The following DAG1 variants were observed in gnomAD, a reference collection of about 807,000 sequenced individuals.
The protein encoded by DAG1 is dystroglycan 1.
Under a neutral mutation model 46.1 loss-of-function variants are expected in DAG1, and 8 were observed. That is an observed-to-expected ratio of 0.17 (90% CI 0.10 to 0.31). The LOEUF (loss-of-function observed/expected upper bound fraction) is 0.31, where lower values mean the gene tolerates loss of function less well. Among genes scored for constraint, DAG1 ranks in the 10% least tolerant of loss-of-function variants. The probability of loss-of-function intolerance (pLI) is 1.00; values close to 1 mark genes in which losing one functional copy is unlikely to be tolerated. For missense variants in DAG1, 1,003 were observed against 1,189.9 expected (o/e 0.84, Z 2.31); for synonymous variants, 495 against 481.8 (o/e 1.03, Z -0.36).
At chr3:49,517,461 C>A (rs1305162481) in intron 2 of DAG1, among the ~76,000 whole-genome samples, 1 of 152,184 alleles carries the variant, frequency 6.6e-6, no homozygotes, top group Non-Finnish European at 1.5e-5. Context: ...TGACCTCTGA[C>A]ACTGCAGGGC....
At position 49,502,724 on chromosome 3, in the gene DAG1, C is replaced by T. The variant is rs148641542; in HGVS notation, c.-116-7695C>T. On this transcript the variant is annotated intron_variant, in intron 1 of 2. Transcript: ENST00000308775. ...TGCGATCTCGGCTCACTACAAGCTCCGCCTCCCGGGTTCACGCCATTCTCC... is the reference window on the plus strand; with the variant it reads ...TGCGATCTCGGCTCACTACAAGCTCTGCCTCCCGGGTTCACGCCATTCTCC... Among the ~76,000 whole-genome samples the T allele has an allele frequency of 4.2e-3, 640 of 150,936 alleles. 7 individuals carry two copies. The highest frequency in any genetic ancestry group is 0.015 in the African/African-American group (608 of 40,968).
Position 49,532,571 on chromosome 3 carries a change from A to C in DAG1, c.2060A>C (p.Lys687Thr), listed in dbSNP as rs371345319. Residue 687 changes from lysine (K) to threonine (T), a missense_variant, in exon 3 of 3, where the codon AAA becomes ACA. Physicochemically the swap from Lys to Thr is moderately conservative, Grantham distance 78 (BLOSUM62 -1). Coordinates refer to ENST00000308775, the MANE Select transcript of DAG1 (RefSeq NM_004393.6). This position sits in a 1 kb window ranked among gnomAD's most constrained non-coding sequence, Gnocchi z 5.4. ...CGCCGGATCGCTGAGGATGATGGAA[A>C]ACCTCGGCCTGCCTTCTCCAACGCC... The part of the protein sequence containing the change: ...LSRRIAEDDG[K>T]PRPAFSNALE... The C allele has an allele frequency of 1.9e-6, 3 of 1,612,294 alleles. No individual in the cohort carries two copies. The African/African-American group carries it at 4.0e-5, about 22-fold the overall frequency.
rs2050733771 is a variant in DAG1 at position 49,510,531 on chromosome 3, T to G, written c.-4T>G. 6.2e-7 allele frequency: 1 copy of G among 1,612,884 alleles called. No homozygotes were observed. The highest frequency in any genetic ancestry group is 8.5e-7 in the Non-Finnish European group (1 of 1,179,972). ...CTATCGACTTGAGCAAACTTGGACC[T>G]GGGATGAGGATGTCTGTGGGCCTCT... On this transcript the variant is annotated 5_prime_UTR_variant, in exon 2 of 3. Transcript: ENST00000308775.
At chr3:49,475,569 C>T (rs2106843518) in intron 1 of DAG1, among the ~76,000 whole-genome samples, 1 of 151,942 alleles carries the variant, frequency 6.6e-6, no homozygotes, top group East Asian at 1.9e-4. Context: ...CGTGCCCAGC[C>T]AGCAATTTCT....
chr3:49,506,065 C>G (rs1323657198), intron 1 of DAG1, among the ~76,000 whole-genome samples: 1 of 151,190 alleles, frequency 6.6e-6, no homozygotes, highest in Non-Finnish European at 1.5e-5. Flanking sequence ...CTACAACCAC[C>G]GCCTCCTGGG....
chr3:49,533,346 C>T lies in DAG1; in HGVS notation c.*147C>T. On this transcript the variant is annotated 3_prime_UTR_variant, in exon 3 of 3. Transcript: ENST00000308775. The stretch of plus-strand genomic sequence containing the variant: ...CACTGACACAGGGGCCTGGACAAGC[C>T]CGCCCTCTCTGGTCCTCCCAAACCC... 1 of 1,250,786 alleles carries T rather than the reference C, an allele frequency of 8.0e-7. No individual in the cohort carries two copies. The highest frequency in any genetic ancestry group is 1.1e-6 in the Non-Finnish European group (1 of 886,212). The allele number at this position is 1,250,786 out of a possible 1,614,324, so 77.5% of individuals were successfully genotyped here. A position where few individuals can be genotyped will look rare whatever the true frequency, so the allele number is the denominator to read the frequency against.
intron 1 of DAG1, among the ~76,000 whole-genome samples, chr3:49,471,431 A>G (rs919629536): frequency 3.3e-5 from 5 of 152,216 alleles, no homozygotes; most frequent in Admixed American, 2.0e-4. Context: ...GTTCAGAGAC[A>G]TTATTTTGGA....
chr3:49,533,686 G>A lies in DAG1; in HGVS notation c.*487G>A. On this transcript the variant is annotated 3_prime_UTR_variant, in exon 3 of 3. Transcript: ENST00000308775. ...AAGGACTTTCAGAAGTTAAGGTTAA[G>A]TTTTTACGTTTAATCTGCTGTTTAC... 5 of 296,898 alleles carry A rather than the reference G, an allele frequency of 1.7e-5. 1 individual carries two copies. Among genetic ancestry groups the A allele is most frequent in the South Asian group, 1.5e-4 (5 of 32,642 alleles). 18.4% of individuals were successfully genotyped at this position (296,898 alleles called of 1,614,324 possible).
chr3:49,468,986 C>T (rs1016132747), upstream of DAG1: 1 of 152,162 alleles, frequency 6.6e-6, no homozygotes, highest in Non-Finnish European at 1.5e-5. Context: ...AGCACCTAGC[C>T]CCTTCCTTTT....
At chr3:49,529,775 G>A (rs1447738654) in intron 2 of DAG1, among the ~76,000 whole-genome samples, 1 of 152,172 alleles carries the variant, frequency 6.6e-6, no homozygotes, top group African/African-American at 2.4e-5. Context: ...AAAAGTGAAA[G>A]GAGCCACAGA....
chr3:49,502,577 A>G (rs1324846253), intron 1 of DAG1, among the ~76,000 whole-genome samples: 1 of 151,906 alleles, frequency 6.6e-6, no homozygotes, highest in Non-Finnish European at 1.5e-5. Context: ...TACTTATCTC[A>G]CATTGATGAC....
Position 49,533,607 on chromosome 3 carries a change from G to T in DAG1, c.*408G>T, listed in dbSNP as rs576709191. ...TAACTGTACTGTTTTTTCTATTCACGTGTGTCTAGCTGCAGGATGTAACAT... is the reference window on the plus strand; with the variant it reads ...TAACTGTACTGTTTTTTCTATTCACTTGTGTCTAGCTGCAGGATGTAACAT... On this transcript the variant is annotated 3_prime_UTR_variant, in exon 3 of 3. Coordinates refer to ENST00000308775, the MANE Select transcript of DAG1 (RefSeq NM_004393.6). 3 of 366,840 alleles carry T rather than the reference G, an allele frequency of 8.2e-6. No homozygotes were observed. Among genetic ancestry groups the T allele is most frequent in the East Asian group, 1.4e-4 (2 of 14,138 alleles). The allele number at this position is 366,840 out of a possible 1,614,324, so 22.7% of individuals were successfully genotyped here.
intron 1 of DAG1, among the ~76,000 whole-genome samples, chr3:49,487,699 T>C (rs1056276345): frequency 2.0e-5 from 3 of 146,862 alleles, no homozygotes; most frequent in African/African-American, 7.6e-5. Flanking sequence ...ATTCTTTTTT[T>C]TTTTTTTTTT....
intron 1 of DAG1, among the ~76,000 whole-genome samples, chr3:49,486,407 A>G (rs1444681730): frequency 2.0e-5 from 3 of 151,008 alleles, no homozygotes; most frequent in Non-Finnish European, 2.9e-5. Context: ...TTTAGTAGAG[A>G]CAGGGTTTCA....
chr3:49,534,587 C>G lies in DAG1; in HGVS notation c.*1388C>G, dbSNP rs1375546596. 6.6e-6 allele frequency: 1 copy of G among 152,556 alleles called. No individual in the cohort carries two copies. Among genetic ancestry groups the G allele is most frequent in the African/African-American group, 2.4e-5 (1 of 41,438 alleles). 9.5% of individuals were successfully genotyped at this position (152,556 alleles called of 1,614,324 possible). ...AGTGTTGATTCCATGGAACTGACGG[C>G]TTTGCTTGTTTTGATTCTTTTCCCC... On this transcript the variant is annotated 3_prime_UTR_variant, in exon 3 of 3. Coordinates refer to ENST00000308775, the MANE Select transcript of DAG1 (RefSeq NM_004393.6).
chr3:49,529,629 G>C (rs6446282), intron 2 of DAG1, among the ~76,000 whole-genome samples: 148,632 of 152,262 alleles, frequency 0.98, 72,657 homozygotes, highest in Middle Eastern at 1. Flanking sequence ...CTGAGTCTGG[G>C]AGTGTGATGT....
chr3:49,481,128 G>C (rs1160523224), intron 1 of DAG1, among the ~76,000 whole-genome samples: 1 of 147,362 alleles, frequency 6.8e-6, no homozygotes, highest in Non-Finnish European at 1.5e-5. Context: ...AGTGGCTTAC[G>C]CCTGTAATCC....
At position 49,533,527 on chromosome 3, in the gene DAG1, A is replaced by C. The variant is rs1398947266; in HGVS notation, c.*328A>C. 1 of 541,348 alleles carries C rather than the reference A, an allele frequency of 1.8e-6. No homozygotes were observed. The highest frequency in any genetic ancestry group is 4.2e-5 in the East Asian group (1 of 23,962). 33.5% of individuals were successfully genotyped at this position (541,348 alleles called of 1,614,324 possible). ...TGGAGGGAGCGAGGAACCATGAATGAACTCGCAGGCAGTGCCGGGCGGCCC... is the reference window on the plus strand; with the variant it reads ...TGGAGGGAGCGAGGAACCATGAATGCACTCGCAGGCAGTGCCGGGCGGCCC... On this transcript the variant is annotated 3_prime_UTR_variant, in exon 3 of 3. Transcript: ENST00000308775.
chr3:49,510,957 A>G, intron 2 of DAG1, 138 bp downstream of exon 2: 1 of 1,524,574 alleles, frequency 6.6e-7, no homozygotes, highest in Non-Finnish European at 8.8e-7. Flanking sequence ...AGGGACAGCC[A>G]CTGATGTTCA....
Sources: allele counts gnomAD v4.1 joint callset (sites outside exome capture counted in the v4.1 genomes callset), GRCh38; gene constraint gnomAD v4.1.1; non-coding constraint Gnocchi (gnomAD v3.1); transcripts MANE v1.5; gene names NCBI Gene and HGNC (gene_info 2026-07-23, HGNC 2026-07-21).